ARHGAP15: variants seen among roughly 807,000 people sequenced by gnomAD.
ARHGAP15 encodes the protein rho GTPase-activating protein 15.
Under a neutral mutation model 63.7 loss-of-function variants are expected in ARHGAP15, and 51 were observed. The ratio of observed to expected loss-of-function variants is 0.80; its 90% CI spans 0.64 to 1.01. ARHGAP15 has a LOEUF of 1.01. Ranked by LOEUF, ARHGAP15 falls within the 50% of genes least tolerant of loss-of-function variation. The probability of loss-of-function intolerance (pLI) is 0.00; values close to 1 mark genes in which losing one functional copy is unlikely to be tolerated. For missense variants in ARHGAP15, 560 were observed against 564.6 expected, an observed-to-expected ratio of 0.99 and a Z score of 0.08; for synonymous variants, 191 against 193.8, an observed-to-expected ratio of 0.99 and a Z score of 0.12.
chr2:143,664,206 C>T lies in ARHGAP15; in HGVS notation c.1139-39213C>T, dbSNP rs1200844377. On this transcript the variant is annotated intron_variant, in intron 12 of 13. Transcript: ENST00000295095. ...AGCAAACGTAAAAGAACAGAGATTA[C>T]AACAAACTATCTCTCAGACCACAGT... Among the ~76,000 whole-genome samples, 6 of 152,204 alleles carry T rather than the reference C, an allele frequency of 3.9e-5. 1 individual carries two copies. The highest frequency in any genetic ancestry group is 7.4e-5 in the Non-Finnish European group (5 of 68,010).
chr2:143,261,430 C>T (rs554295223), intron 6 of ARHGAP15, among the ~76,000 whole-genome samples: 1 of 148,026 alleles, frequency 6.8e-6, no homozygotes, highest in African/African-American at 2.5e-5. Flanking sequence ...CCTCCGTCTC[C>T]TGAGTTCAAG....
At chr2:143,410,424 T>C (rs144142214) in intron 6 of ARHGAP15, among the ~76,000 whole-genome samples, 245 of 152,356 alleles carry the variant, frequency 1.6e-3, no homozygotes, top group African/African-American at 5.9e-3. Flanking sequence ...ACACCCACTT[T>C]TATGTCAGCA....
intron 6 of ARHGAP15, among the ~76,000 whole-genome samples, chr2:143,434,171 C>G (rs1278807854): frequency 6.6e-6 from 1 of 152,088 alleles, no homozygotes; most frequent in African/African-American, 2.4e-5. Flanking sequence ...CCTCAGTAAT[C>G]TGTCAAATTC....
At chr2:143,413,966 T>C (rs72617091) in intron 6 of ARHGAP15, among the ~76,000 whole-genome samples, 24,334 of 117,866 alleles carry the variant, frequency 0.21, 2,736 homozygotes, top group East Asian at 0.48. Context: ...TGTGTGTGTG[T>C]GCGCGCTCTC....
At chr2:143,327,410 T>G (rs765149199) in intron 6 of ARHGAP15, among the ~76,000 whole-genome samples, 8 of 152,126 alleles carry the variant, frequency 5.3e-5, no homozygotes, top group Non-Finnish European at 8.8e-5. Flanking sequence ...AAATTTCATA[T>G]GGAACCAAAA....
intron 3 of ARHGAP15, among the ~76,000 whole-genome samples, chr2:143,202,465 C>T (rs1484512206): frequency 6.6e-6 from 1 of 152,062 alleles, no homozygotes; most frequent in African/African-American, 2.4e-5. Flanking sequence ...GGGTTCAGTT[C>T]TTCCAGGAAT....
chr2:143,341,106 T>C (rs940434524), intron 6 of ARHGAP15, among the ~76,000 whole-genome samples: 4 of 152,110 alleles, frequency 2.6e-5, no homozygotes, highest in South Asian at 2.1e-4. Context: ...TGTGAACACA[T>C]AGAAGCCAGC....
intron 4 of ARHGAP15, among the ~76,000 whole-genome samples, chr2:143,224,946 A>G (rs1469859088): frequency 2.0e-5 from 3 of 152,224 alleles, no homozygotes; most frequent in Admixed American, 1.3e-4. Context: ...ACCCAAGGAC[A>G]GAAAACCAAA....
At chr2:143,297,511 C>T (rs1300870958) in intron 6 of ARHGAP15, among the ~76,000 whole-genome samples, 1 of 151,934 alleles carries the variant, frequency 6.6e-6, no homozygotes. Context: ...TTCTCCTTTA[C>T]CCCCTTTGTG....
chr2:143,492,814 T>C (rs182507746), intron 9 of ARHGAP15, among the ~76,000 whole-genome samples: 1 of 151,830 alleles, frequency 6.6e-6, no homozygotes, highest in East Asian at 1.9e-4. Flanking sequence ...CCCAGCACTT[T>C]GGGAGGCAGA....
intron 5 of ARHGAP15, among the ~76,000 whole-genome samples, chr2:143,231,128 T>C (rs576095579): frequency 6.7e-6 from 1 of 149,132 alleles, no homozygotes; most frequent in Admixed American, 6.8e-5. Flanking sequence ...TTCTTTGAGC[T>C]TCAGAATCCT....
chr2:143,667,603 A>G (rs1682289056), intron 12 of ARHGAP15, among the ~76,000 whole-genome samples: 1 of 142,730 alleles, frequency 7.0e-6, no homozygotes, highest in Non-Finnish European at 1.5e-5. Context: ...AAAAAAAAAA[A>G]GAAAAGAAGT....
chr2:143,220,584 T>A (rs867044209), intron 4 of ARHGAP15, among the ~76,000 whole-genome samples: 1 of 152,184 alleles, frequency 6.6e-6, no homozygotes, highest in East Asian at 1.9e-4. Context: ...TTTAAATGAA[T>A]CTTAGTATGC....
chr2:143,534,594 T>C (rs1346410150), intron 10 of ARHGAP15, among the ~76,000 whole-genome samples: 1 of 151,934 alleles, frequency 6.6e-6, no homozygotes, highest in Non-Finnish European at 1.5e-5. Context: ...AAGACCTATA[T>C]GGGGCCAGGA....
chr2:143,712,842 A>G (rs546671797), intron 13 of ARHGAP15, among the ~76,000 whole-genome samples: 57 of 151,426 alleles, frequency 3.8e-4, no homozygotes, highest in African/African-American at 1.3e-3. Flanking sequence ...ATAATCTAGC[A>G]GGAAAAAAAA....
At chr2:143,458,677 A>T (rs1330408449) in intron 8 of ARHGAP15, among the ~76,000 whole-genome samples, 1 of 152,190 alleles carries the variant, frequency 6.6e-6, no homozygotes, top group Non-Finnish European at 1.5e-5. Context: ...TAGTTTAGTG[A>T]GGAGAAAATT....
At chr2:143,325,420 T>C (rs1218752909) in intron 6 of ARHGAP15, among the ~76,000 whole-genome samples, 1 of 152,148 alleles carries the variant, frequency 6.6e-6, no homozygotes, top group Non-Finnish European at 1.5e-5. Context: ...TTTTATATCC[T>C]GTCACAGGAT....
chr2:143,496,906 G>C (rs993235877), intron 9 of ARHGAP15, among the ~76,000 whole-genome samples: 2 of 152,150 alleles, frequency 1.3e-5, no homozygotes, highest in Admixed American at 6.5e-5. Flanking sequence ...ATAGATGCTG[G>C]TTTTATTCAT....
intron 6 of ARHGAP15, among the ~76,000 whole-genome samples, chr2:143,310,469 A>G (rs1323217277): frequency 1.3e-5 from 2 of 152,070 alleles, no homozygotes; most frequent in East Asian, 3.8e-4. Context: ...ACTAACATAA[A>G]GTAGATGGAG....
Sources: allele counts gnomAD v4.1 joint callset (sites outside exome capture counted in the v4.1 genomes callset), GRCh38; gene constraint gnomAD v4.1.1; transcripts MANE v1.5; gene names NCBI Gene and HGNC (gene_info 2026-07-23, HGNC 2026-07-21).